ATP8A2: variants seen among roughly 807,000 people sequenced by gnomAD.
The protein encoded by ATP8A2 is ATPase phospholipid transporting 8A2.
Under a neutral mutation model 165.6 loss-of-function variants are expected in ATP8A2, and 100 were observed. The ratio of observed to expected loss-of-function variants is 0.60; its 90% CI spans 0.51 to 0.71. The LOEUF is 0.71. Ranked by LOEUF, ATP8A2 falls within the 30% of genes least tolerant of loss-of-function variation. The pLI, the probability that ATP8A2 is intolerant of heterozygous loss-of-function variation, is 0.00. For missense variants in ATP8A2, 1,227 were observed against 1,479.5 expected, an observed-to-expected ratio of 0.83 and a Z score of 2.80; for synonymous variants, 543 against 548.8, an observed-to-expected ratio of 0.99 and a Z score of 0.15.
chr13:25,881,663 A>C (rs1952983811), intron 33 of ATP8A2, among the ~76,000 whole-genome samples: 1 of 152,112 alleles, frequency 6.6e-6, no homozygotes, highest in Non-Finnish European at 1.5e-5. Flanking sequence ...CTTGATAAGA[A>C]AGCCAGAAGT....
At chr13:25,733,477 A>G (rs1006167124) in intron 25 of ATP8A2, among the ~76,000 whole-genome samples, 3 of 151,850 alleles carry the variant, frequency 2.0e-5, no homozygotes, top group Non-Finnish European at 4.4e-5. Context: ...CTCTGTGTAC[A>G]TTTTTTGCAA....
At chr13:25,420,645 C>T (rs923886235) in intron 1 of ATP8A2, among the ~76,000 whole-genome samples, 26 of 152,208 alleles carry the variant, frequency 1.7e-4, no homozygotes, top group African/African-American at 6.0e-4. Context: ...AGCAAAACAT[C>T]ATGGTACATG....
intron 1 of ATP8A2, among the ~76,000 whole-genome samples, chr13:25,397,972 G>A (rs187841030): frequency 5.3e-4 from 81 of 152,300 alleles, no homozygotes; most frequent in African/African-American, 1.7e-3. Context: ...AAGGGGGATT[G>A]TGGAAGCCAA....
intron 1 of ATP8A2, among the ~76,000 whole-genome samples, chr13:25,397,594 T>C (rs2033472491): frequency 6.6e-6 from 1 of 152,184 alleles, no homozygotes; most frequent in African/African-American, 2.4e-5. Context: ...AATTTTCCTT[T>C]ACTATTGGTC....
At chr13:25,954,142 T>C (rs1327347599) in intron 33 of ATP8A2, among the ~76,000 whole-genome samples, 2 of 152,176 alleles carry the variant, frequency 1.3e-5, no homozygotes, top group Non-Finnish European at 2.9e-5. Context: ...CTGTCTGAAG[T>C]TGACCTGGGA....
At chr13:25,552,475 A>G (rs2038854408) in intron 11 of ATP8A2, among the ~76,000 whole-genome samples, 1 of 152,152 alleles carries the variant, frequency 6.6e-6, no homozygotes, top group South Asian at 2.1e-4. Context: ...TGCTTTTAGC[A>G]ATTGCTTTTT....
intron 36 of ATP8A2, among the ~76,000 whole-genome samples, chr13:26,015,696 C>A (rs796455083): frequency 6.6e-6 from 1 of 152,184 alleles, no homozygotes; most frequent in Admixed American, 6.5e-5. Flanking sequence ...TTCACCTACA[C>A]GATTCTGTTC....
intron 27 of ATP8A2, among the ~76,000 whole-genome samples, chr13:25,790,708 A>G (rs952670753): frequency 6.6e-6 from 1 of 151,966 alleles, no homozygotes; most frequent in Admixed American, 6.6e-5. Flanking sequence ...AAAAAAAAAA[A>G]ATAAGCAAAG....
At chr13:25,531,320 T>C (rs1224002301) in intron 4 of ATP8A2, among the ~76,000 whole-genome samples, 1 of 128,554 alleles carries the variant, frequency 7.8e-6, no homozygotes, top group African/African-American at 3.1e-5. Context: ...ATATATGTTA[T>C]ATATGATATA....
chr13:25,752,717 T>A (rs1306553245), intron 25 of ATP8A2, among the ~76,000 whole-genome samples: 1 of 152,148 alleles, frequency 6.6e-6, no homozygotes, highest in Non-Finnish European at 1.5e-5. Context: ...TCCTGGCCAG[T>A]GCTTGTTTGC....
intron 24 of ATP8A2, among the ~76,000 whole-genome samples, chr13:25,646,560 G>A (rs2041676192): frequency 6.7e-6 from 1 of 149,162 alleles, no homozygotes; most frequent in East Asian, 2.0e-4. Context: ...GGAGGCTGAG[G>A]TAGAGAATTG....
chr13:25,892,820 G>GTTT (rs1953418863), intron 33 of ATP8A2, among the ~76,000 whole-genome samples: 1 of 143,958 alleles, frequency 6.9e-6, no homozygotes, highest in African/African-American at 2.7e-5. Flanking sequence ...TTTTTTTTTC[G>GTTT]CATCAAAATG....
At chr13:25,465,704 T>TCCC (rs2035627717) in intron 1 of ATP8A2, among the ~76,000 whole-genome samples, 3 of 21,618 alleles carry the variant, frequency 1.4e-4, no homozygotes, top group Admixed American at 1.4e-3. Flanking sequence ...TCTTTCTTTC[T>TCCC]TTCTTTCTTT....
At chr13:25,682,598 C>T (rs1018281069) in intron 24 of ATP8A2, among the ~76,000 whole-genome samples, 3 of 152,220 alleles carry the variant, frequency 2.0e-5, no homozygotes, top group East Asian at 1.9e-4. Context: ...TCCAGAAAGC[C>T]GTTATTTGCT....
Position 25,570,812 on chromosome 13 carries a change from T to C in ATP8A2, c.1519T>C (p.Cys507Arg). ...IQEFLTLLAV[C>R]HTVVPEKDGD... is the part of the protein sequence containing the mutation. ...GGAGTTCCTCACCCTTCTGGCCGTG[T>C]GCCACACGGTTGTTCCTGAGAAGGA... The change falls in exon 17 of 37, where the codon TGC becomes CGC. Residue 507 changes from cysteine (C) to arginine (R), a missense_variant. Cys to Arg is a radical substitution (Grantham distance 180). Transcript: ENST00000381655. 6.2e-7 allele frequency: 1 copy of C among 1,613,788 alleles called. No individual in the cohort carries two copies. The highest frequency in any genetic ancestry group is 8.5e-7 in the Non-Finnish European group (1 of 1,179,746).
intron 27 of ATP8A2, among the ~76,000 whole-genome samples, chr13:25,825,145 CTTTTTTTTTTT>C (rs60778003): frequency 7.3e-5 from 2 of 27,508 alleles, no homozygotes; most frequent in South Asian, 1.9e-3. Context: ...TATGTGTTTG[CTTTTTTTTTTT>C]TTTTTTTTTT....
chr13:25,900,133 G>A (rs1311350499), intron 33 of ATP8A2, among the ~76,000 whole-genome samples: 1 of 152,192 alleles, frequency 6.6e-6, no homozygotes, highest in African/African-American at 2.4e-5. Context: ...AGAGCTGAGA[G>A]GGAGGGAGGA....
At chr13:25,472,204 G>A (rs1416243616) in intron 2 of ATP8A2, among the ~76,000 whole-genome samples, 1 of 152,048 alleles carries the variant, frequency 6.6e-6, no homozygotes, top group Non-Finnish European at 1.5e-5. Flanking sequence ...GACCAGCCTG[G>A]CCAACATGGC....
At chr13:26,010,421 ATG>A (rs1248492913) in intron 35 of ATP8A2, among the ~76,000 whole-genome samples, 10 of 152,212 alleles carry the variant, frequency 6.6e-5, no homozygotes, top group Admixed American at 3.3e-4. Flanking sequence ...TGAGAAAATA[ATG>A]TGTCAGTTGC....
Sources: allele counts gnomAD v4.1 joint callset (sites outside exome capture counted in the v4.1 genomes callset), GRCh38; gene constraint gnomAD v4.1.1; transcripts MANE v1.5; gene names NCBI Gene and HGNC (gene_info 2026-07-23, HGNC 2026-07-21).